RELCH: variants seen among roughly 807,000 people sequenced by gnomAD.
RELCH encodes the protein RAB11-binding protein RELCH.
Under a neutral mutation model 150.3 loss-of-function variants are expected in RELCH, and 41 were observed. The ratio of observed to expected loss-of-function variants is 0.27; its 90% CI spans 0.21 to 0.35. RELCH has a LOEUF of 0.35. Among genes scored for constraint, RELCH ranks in the 10% least tolerant of loss-of-function variants. RELCH has a pLI of 1.00. For missense variants in RELCH, 1,092 were observed against 1,467.8 expected (o/e 0.74, Z 4.18); for synonymous variants, 478 against 531.8 (o/e 0.90, Z 1.39).
Position 62,305,345 on chromosome 18 carries a change from G to A in RELCH, c.3531-69G>A. ...TTCAGAGTGTGTTCGTTAATGATAT[G>A]CTACTAAATAAATGAAAAATTTTTA... On this transcript the variant is annotated intron_variant, in intron 28 of 28. Transcript: ENST00000644646. The surrounding 1 kb of genome is among the most constrained non-coding windows in gnomAD (Gnocchi z 4.0). 1 of 1,360,524 alleles carries A rather than the reference G, an allele frequency of 7.4e-7. No homozygotes were observed. The highest frequency in any genetic ancestry group is 1.0e-6 in the Non-Finnish European group (1 of 999,758). 84.3% of individuals were successfully genotyped at this position (1,360,524 alleles called of 1,614,324 possible). A position where few individuals can be genotyped will look rare whatever the true frequency, so the allele number is the denominator to read the frequency against.
chr18:62,251,258 C>A (rs73458573), intron 11 of RELCH, among the ~76,000 whole-genome samples: 1 of 152,122 alleles, frequency 6.6e-6, no homozygotes, highest in Non-Finnish European at 1.5e-5. Flanking sequence ...GTCAAAGGTC[C>A]GTTGGGGCTA....
Position 62,187,886 on chromosome 18 carries a change from G to A in RELCH, c.381G>A (p.Leu127=). 2 of 1,594,624 alleles carry A rather than the reference G, an allele frequency of 1.3e-6. No homozygotes were observed. Among genetic ancestry groups the A allele is most frequent in the Non-Finnish European group, 1.7e-6 (2 of 1,171,436 alleles). The part of the protein sequence containing the change: ...LLESGRELPR[L]RDYFSNPGNF... ...AGAGTGGCCGGGAGCTGCCTCGGCT[G>A]CGCGACTACTTCTCCAATCCAGGCA... is the stretch of plus-strand genomic sequence containing the variant. The change falls in exon 1 of 29, where the codon CTG becomes CTA. Residue 127 remains leucine, a synonymous_variant. Coordinates refer to ENST00000644646, the MANE Select transcript of RELCH (RefSeq NM_001346231.2).
At chr18:62,229,500 G>C (rs1033847090) in intron 8 of RELCH, among the ~76,000 whole-genome samples, 7 of 146,372 alleles carry the variant, frequency 4.8e-5, no homozygotes, top group Middle Eastern at 3.2e-3. Flanking sequence ...GTGTGTGTGT[G>C]TGTGTGTGTG....
chr18:62,231,373 C>A, intron 9 of RELCH, 104 bp downstream of exon 9: 1 of 666,120 alleles, frequency 1.5e-6, no homozygotes, highest in South Asian at 2.0e-5. Context: ...GACTGTATTT[C>A]AAATGCAAAT....
chr18:62,226,764 G>T (rs771271965), intron 5 of RELCH, among the ~76,000 whole-genome samples: 12 of 152,038 alleles, frequency 7.9e-5, no homozygotes, highest in Admixed American at 5.9e-4. Flanking sequence ...TATTGATCTA[G>T]AAGGTCAGGA....
intron 1 of RELCH, among the ~76,000 whole-genome samples, chr18:62,208,418 C>T (rs766663724): frequency 2.0e-5 from 3 of 150,914 alleles, no homozygotes; most frequent in East Asian, 1.9e-4. Flanking sequence ...TCCTTTATCA[C>T]GGTATTAGTT....
At chr18:62,304,030 C>T (rs946310806) in intron 28 of RELCH, among the ~76,000 whole-genome samples, 5 of 152,074 alleles carry the variant, frequency 3.3e-5, no homozygotes, top group Non-Finnish European at 5.9e-5. Flanking sequence ...GTAGAAGGAG[C>T]TATTAAATTC....
rs150208005 is a variant in RELCH, at chr18:62,242,817, A to G, written c.1621-1947A>G. On this transcript the variant is annotated intron_variant, in intron 10 of 28. Coordinates refer to ENST00000644646, the MANE Select transcript of RELCH (RefSeq NM_001346231.2). ...TGCTTGTTTTTGAGATAAAGAAGTTAAAGATTATACTCTACATTTTAAGTG... is the reference window on the plus strand; with the variant it reads ...TGCTTGTTTTTGAGATAAAGAAGTTGAAGATTATACTCTACATTTTAAGTG... Among the ~76,000 whole-genome samples, 902 of 152,078 alleles carry G rather than the reference A, an allele frequency of 5.9e-3. 8 individuals carry two copies. Among genetic ancestry groups the G allele is most frequent in the Middle Eastern group, 0.02 (6 of 294 alleles).
At position 62,187,948 on chromosome 18, in the gene RELCH, G is replaced by T; in HGVS notation, c.443G>T (p.Gly148Val). Reference protein sequence around the residue: ...ERQSGTPPGMGAPGVPGAAGV... With the variant: ...ERQSGTPPGMVAPGVPGAAGV... ...CAAAGTGGAACCCCGCCGGGGATGGGGGCGCCAGGGGTCCCTGGAGCAGCC... is the reference window on the plus strand; with the variant it reads ...CAAAGTGGAACCCCGCCGGGGATGGTGGCGCCAGGGGTCCCTGGAGCAGCC... The change falls in exon 1 of 29, where the codon GGG (glycine) becomes GTG (valine). Residue 148 changes from glycine to valine, a missense_variant. By Grantham distance (109) the Gly-to-Val change is moderately radical (BLOSUM62 -3). This residue lies in a region of RELCH where 190 missense variants were observed against 276.2 expected (regional missense o/e 0.69). Coordinates refer to ENST00000644646, the MANE Select transcript of RELCH (RefSeq NM_001346231.2). 1.3e-6 allele frequency: 2 copies of T among 1,598,624 alleles called. No homozygotes were observed. The highest frequency in any genetic ancestry group is 1.7e-6 in the Non-Finnish European group (2 of 1,173,718).
intron 10 of RELCH, among the ~76,000 whole-genome samples, chr18:62,237,571 ACTTT>A (rs1294950897): frequency 6.6e-6 from 1 of 151,826 alleles, no homozygotes; most frequent in East Asian, 1.9e-4. Context: ...GATATAAAGA[ACTTT>A]CTATTAGTGT....
intron 10 of RELCH, among the ~76,000 whole-genome samples, chr18:62,232,822 T>A (rs2041660226): frequency 6.6e-6 from 1 of 152,038 alleles, no homozygotes; most frequent in African/African-American, 2.4e-5. Context: ...CAGGGATGAA[T>A]AATATAAAAC....
At chr18:62,218,232 A>G (rs2040606927) in intron 2 of RELCH, among the ~76,000 whole-genome samples, 1 of 151,964 alleles carries the variant, frequency 6.6e-6, no homozygotes, top group Non-Finnish European at 1.5e-5. Context: ...TTCTGACTTG[A>G]AAGAAGACAA....
In RELCH at chr18:62,187,451, G is replaced by T; in HGVS notation, c.-55G>T. 1 of 1,483,276 alleles carries T rather than the reference G, an allele frequency of 6.7e-7. No homozygotes were observed. Among genetic ancestry groups the T allele is most frequent in the Non-Finnish European group, 9.0e-7 (1 of 1,116,866 alleles). 91.9% of individuals were successfully genotyped at this position (1,483,276 alleles called of 1,614,324 possible). A position where few individuals can be genotyped will look rare whatever the true frequency, so the allele number is the denominator to read the frequency against. ...TGTCCCCTGAGGCCTAGAGGATTCG[G>T]GCTGCGGCCCGTCGGAACCAGTCAG... On this transcript the variant is annotated 5_prime_UTR_variant, in exon 1 of 29. Coordinates refer to ENST00000644646, the MANE Select transcript of RELCH (RefSeq NM_001346231.2).
intron 28 of RELCH, among the ~76,000 whole-genome samples, chr18:62,303,341 A>G (rs1050796375): frequency 6.6e-6 from 1 of 152,184 alleles, no homozygotes; most frequent in Non-Finnish European, 1.5e-5. Context: ...GATATACATT[A>G]TATATCCAGT....
chr18:62,206,637 G>T (rs1048284994), intron 1 of RELCH, among the ~76,000 whole-genome samples: 1 of 152,136 alleles, frequency 6.6e-6, no homozygotes, highest in Non-Finnish European at 1.5e-5. Context: ...TTAACAGAGG[G>T]TTGACAATAG....
intron 27 of RELCH, among the ~76,000 whole-genome samples, chr18:62,296,274 TGTTGAAAGACGC>T (rs1248930863): frequency 1.2e-4 from 18 of 152,186 alleles, no homozygotes; most frequent in Non-Finnish European, 2.6e-4. Flanking sequence ...TTTCATCAGC[TGTTGAAAGACGC>T]GTTGAAAGTT....
At position 62,282,275 on chromosome 18, in the gene RELCH, A is replaced by G. The variant is rs561347951; in HGVS notation, c.3115-31A>G. The G allele has an allele frequency of 2.3e-3, 3,616 of 1,595,754 alleles. 123 individuals are homozygous for G. The South Asian group carries it at 0.038, about 17-fold the overall frequency. On this transcript the variant is annotated intron_variant, in intron 24 of 28. Coordinates refer to ENST00000644646, the MANE Select transcript of RELCH (RefSeq NM_001346231.2). The stretch of plus-strand genomic sequence containing the variant: ...AACACTACTCAGTTTTCAATATTCT[A>G]TGAAATGACTGTACAATATCCAATT...
chr18:62,231,311 C>G, intron 9 of RELCH, 42 bp downstream of exon 9: 1 of 1,237,046 alleles, frequency 8.1e-7, no homozygotes, highest in Non-Finnish European at 1.2e-6. Flanking sequence ...TAAAAACATT[C>G]TACTGTTTTT....
At chr18:62,223,732 AC>A (rs2041027963) in intron 5 of RELCH, among the ~76,000 whole-genome samples, 1 of 152,150 alleles carries the variant, frequency 6.6e-6, no homozygotes, top group Non-Finnish European at 1.5e-5. Context: ...ATTCATTATG[AC>A]CAAATGAGGT....
Sources: gnomAD v4.1 joint callset for allele counts (sites outside exome capture counted in the v4.1 genomes callset) on GRCh38, gnomAD v4.1.1 for gene constraint, gnomAD v4.1.1 regional missense constraint, Gnocchi (gnomAD v3.1) non-coding constraint, MANE v1.5 for transcripts, NCBI Gene and HGNC (gene_info 2026-07-23, HGNC 2026-07-21) for gene names.